PARP1: variants seen among roughly 807,000 people sequenced by gnomAD.
The protein encoded by PARP1 is poly [ADP-ribose] polymerase 1.
Under a neutral mutation model 118.7 loss-of-function variants are expected in PARP1, and 44 were observed. That is an observed-to-expected ratio of 0.37 (90% CI 0.29 to 0.48). The LOEUF is 0.48. Ranked by LOEUF, PARP1 falls within the 20% of genes least tolerant of loss-of-function variation. PARP1 has a pLI of 0.99. For missense variants in PARP1, 1,100 were observed against 1,272.4 expected (o/e 0.86, Z 2.06); for synonymous variants, 492 against 483.2 (o/e 1.02, Z -0.24).
At position 226,380,041 on chromosome 1, in the gene PARP1, G is replaced by A. The variant is rs1664573700; in HGVS notation, c.1424C>T (p.Ala475Val). 3.1e-6 allele frequency: 5 copies of A among 1,614,176 alleles called. No homozygotes were observed. In the African/African-American group the frequency reaches 4.0e-5, roughly 13 times the overall value. The change falls in exon 10 of 23, where the codon GCG (alanine) becomes GTG (valine). Residue 475 changes from alanine to valine, a missense_variant. By Grantham distance (64) the Ala-to-Val change is moderately conservative. Transcript: ENST00000366794. Reference protein sequence around the residue: ...STKSLQELFLAHILSPWGAEV... With the variant: ...STKSLQELFLVHILSPWGAEV... ...TGCCCCCCAAGGGGACAAGATGTGC[G>A]CTAAGAACAACTCCTGAAGGCTCTT...
rs762659079 is a variant in PARP1, at chr1:226,361,455, C to T, written c.*5G>A. ...CACCGGGTGTGACTCGGCTACCTCT[C>T]CCAATTACCACAGGGAGGTCTTAAA... On this transcript the variant is annotated 3_prime_UTR_variant, in exon 23 of 23. Coordinates refer to ENST00000366794, the MANE Select transcript of PARP1 (RefSeq NM_001618.4). The T allele has an allele frequency of 4.4e-6, 7 of 1,602,426 alleles. No homozygotes were observed. The highest frequency in any genetic ancestry group is 6.0e-6 in the Non-Finnish European group (7 of 1,169,610).
At chr1:226,365,559 G>A (rs577506672) in intron 18 of PARP1, among the ~76,000 whole-genome samples, 1 of 152,314 alleles carries the variant, frequency 6.6e-6, no homozygotes, top group Admixed American at 6.5e-5. Context: ...CTGAGGTCAG[G>A]AGTTCAAGAC....
intron 11 of PARP1, 143 bp downstream of exon 11, chr1:226,379,430 G>C: frequency 1.7e-6 from 2 of 1,188,446 alleles, no homozygotes; most frequent in Admixed American, 3.5e-5. Context: ...AGGACTGGGG[G>C]AGCTGGTGAA....
intron 4 of PARP1, among the ~76,000 whole-genome samples, 172 bp downstream of exon 4, chr1:226,390,238 C>G (rs1157373704): frequency 1.3e-5 from 2 of 152,136 alleles, no homozygotes; most frequent in African/African-American, 2.4e-5. Flanking sequence ...CTTTCCCTAC[C>G]CTGTCCTTTG....
At chr1:226,407,583 G>C (rs1174583719) in intron 1 of PARP1, among the ~76,000 whole-genome samples, 1 of 152,080 alleles carries the variant, frequency 6.6e-6, no homozygotes, top group Non-Finnish European at 1.5e-5. Context: ...GGCAACACCA[G>C]CTGCAGACTT....
At chr1:226,387,563 C>T (rs391545) in intron 5 of PARP1, among the ~76,000 whole-genome samples, 2 of 152,136 alleles carry the variant, frequency 1.3e-5, no homozygotes, top group African/African-American at 4.8e-5. Flanking sequence ...AGGGGTCTCT[C>T]GACATCTCCT....
chr1:226,380,281 C>A, intron 9 of PARP1, 117 bp from the exon 10 acceptor site: 1 of 1,026,652 alleles, frequency 9.7e-7, no homozygotes, highest in Non-Finnish European at 1.5e-6. Flanking sequence ...CACAGCTCTC[C>A]TTTGCTTCCA....
chr1:226,392,838 T>C lies in PARP1; in HGVS notation c.287-524A>G, dbSNP rs1664846033. 5.9e-6 allele frequency: 7 copies of C among 1,186,816 alleles called. No individual in the cohort carries two copies. The South Asian group carries it at 9.0e-5, about 15-fold the overall frequency. The allele number at this position is 1,186,816 out of a possible 1,614,324, so 73.5% of individuals were successfully genotyped here. On this transcript the variant is annotated intron_variant, in intron 2 of 22. Coordinates refer to ENST00000366794, the MANE Select transcript of PARP1 (RefSeq NM_001618.4). ...ATTATTCAATAAAGAGTTCTGGGGATCACTGGCTAGCCATTTGGGACAAAA... is the reference window on the plus strand; with the variant it reads ...ATTATTCAATAAAGAGTTCTGGGGACCACTGGCTAGCCATTTGGGACAAAA...
chr1:226,399,810 T>C (rs1424182280), intron 2 of PARP1, among the ~76,000 whole-genome samples: 1 of 152,128 alleles, frequency 6.6e-6, no homozygotes. Context: ...AGTCTGTGTA[T>C]GTGTGGGGTG....
chr1:226,385,768 G>A, intron 6 of PARP1, 88 bp from the exon 7 acceptor site: 1 of 1,174,604 alleles, frequency 8.5e-7, no homozygotes, highest in Non-Finnish European at 1.3e-6. Flanking sequence ...AACTTGCACA[G>A]ATTCCACTCA....
intron 2 of PARP1, chr1:226,393,121 A>T (rs1448561550): frequency 1.2e-6 from 1 of 818,744 alleles, no homozygotes; most frequent in Admixed American, 4.0e-5. Flanking sequence ...AACCTACTAA[A>T]TTAAGTGAAT....
At chr1:226,366,940 C>T (rs991531953) in intron 17 of PARP1, 1 of 185,754 alleles carries the variant, frequency 5.4e-6, no homozygotes, top group Non-Finnish European at 1.1e-5. Flanking sequence ...CATCTAGAAG[C>T]TGAGGCAAAA....
intron 8 of PARP1, 135 bp from the exon 9 acceptor site, chr1:226,381,343 G>C: frequency 1.0e-6 from 1 of 955,646 alleles, no homozygotes. Context: ...CGAGAAAACA[G>C]GACGGGACAG....
At chr1:226,379,707 A>C (rs1664567131) in intron 10 of PARP1, 66 bp from the exon 11 acceptor site, 1 of 1,392,558 alleles carries the variant, frequency 7.2e-7, no homozygotes, top group Non-Finnish European at 1.0e-6. Flanking sequence ...GGGAAGGTAG[A>C]AGGCAAATGA....
At position 226,363,079 on chromosome 1, in the gene PARP1, C is replaced by G. The variant is rs1474286590; in HGVS notation, c.2848+20G>C. 4 of 1,601,710 alleles carry G rather than the reference C, an allele frequency of 2.5e-6. No homozygotes were observed. The highest frequency in any genetic ancestry group is 3.4e-6 in the Non-Finnish European group (4 of 1,168,654). ...TCCAGGGTGCCTCGGGCTGTAGCAACAGCTTTGGAAACACTTTACCTTTGA... is the reference window on the plus strand; with the variant it reads ...TCCAGGGTGCCTCGGGCTGTAGCAAGAGCTTTGGAAACACTTTACCTTTGA... On this transcript the variant is annotated intron_variant, in intron 21 of 22. Transcript: ENST00000366794.
chr1:226,392,947 C>T, intron 2 of PARP1: 3 of 1,572,454 alleles, frequency 1.9e-6, no homozygotes, highest in Non-Finnish European at 8.5e-7. Flanking sequence ...AAGCTATCTT[C>T]CCATCACTTC....
intron 20 of PARP1, 88 bp downstream of exon 20, chr1:226,363,855 T>C: frequency 6.9e-7 from 1 of 1,447,560 alleles, no homozygotes; most frequent in Non-Finnish European, 9.7e-7. Context: ...GGGGAATTTC[T>C]ACTCTCCCAG....
chr1:226,377,321 G>A lies in PARP1; in HGVS notation c.1746-18C>T. 1 of 1,602,566 alleles carries A rather than the reference G, an allele frequency of 6.2e-7. No individual in the cohort carries two copies. The highest frequency in any genetic ancestry group is 8.6e-7 in the Non-Finnish European group (1 of 1,169,572). Reference sequence around the variant, plus strand: ...TCCAATACCTGCAGTGGGAAGGAGGGTGTCAGATACACATGTGTGGGTCAG... The same window carrying A: ...TCCAATACCTGCAGTGGGAAGGAGGATGTCAGATACACATGTGTGGGTCAG... On this transcript the variant is annotated intron_variant, in intron 12 of 22. Transcript: ENST00000366794.
At chr1:226,393,029 G>T in intron 2 of PARP1, 1 of 1,489,636 alleles carries the variant, frequency 6.7e-7, no homozygotes, top group Non-Finnish European at 8.9e-7. Flanking sequence ...TGTAAGTTTG[G>T]AAAATAGTAA....
Sources: allele counts gnomAD v4.1 joint callset (sites outside exome capture counted in the v4.1 genomes callset), GRCh38; gene constraint gnomAD v4.1.1; transcripts MANE v1.5; gene names NCBI Gene and HGNC (gene_info 2026-07-23, HGNC 2026-07-21).